CORO2B: variants seen among roughly 807,000 people sequenced by gnomAD.
CORO2B encodes coronin-2B.
Under a neutral mutation model 58.8 loss-of-function variants are expected in CORO2B, and 26 were observed. That is an observed-to-expected ratio of 0.44 (90% confidence interval 0.32 to 0.61). The LOEUF is 0.61. CORO2B is among the 20% of genes least tolerant of loss of function. The pLI is 0.04. For synonymous variants in CORO2B, 242 were observed against 253.8 expected (o/e 0.95, Z 0.44); for missense variants, 460 against 645.1 (o/e 0.71, Z 3.11).
At chr15:68,577,202 C>A (rs1346520063), upstream of CORO2B, among the ~76,000 whole-genome samples, 2 of 152,150 alleles carry the variant, frequency 1.3e-5, no homozygotes, top group East Asian at 1.9e-4. Context: ...CCTAAGACAC[C>A]TGTGAAACTC....
chr15:68,631,174 G>A (rs1900816487), intron 1 of CORO2B, among the ~76,000 whole-genome samples: 1 of 152,166 alleles, frequency 6.6e-6, no homozygotes, highest in Non-Finnish European at 1.5e-5. Flanking sequence ...CTGGATGGCC[G>A]GGTTCTGCAG....
Position 68,720,326 on chromosome 15 carries a change from A to G in CORO2B, c.1311+774A>G, listed in dbSNP as rs186910695. On this transcript the variant is annotated intron_variant, in intron 11 of 11. Transcript: ENST00000261861. Reference sequence around the variant, plus strand: ...TTAAAGAGATAATTCATAAGTGTCTAGCACTCTTCCTGGCTCATATTAAGT... The same window carrying G: ...TTAAAGAGATAATTCATAAGTGTCTGGCACTCTTCCTGGCTCATATTAAGT... Among the ~76,000 whole-genome samples, 113 of 152,352 alleles carry G rather than the reference A, an allele frequency of 7.4e-4. 1 individual carries two copies. The East Asian group carries it at 0.019, about 26-fold the overall frequency.
At chr15:68,650,350 T>C (rs1271636578) in intron 2 of CORO2B, among the ~76,000 whole-genome samples, 2 of 103,394 alleles carry the variant, frequency 1.9e-5, no homozygotes, top group Non-Finnish European at 3.7e-5. Context: ...AGAGCGAAAC[T>C]CTGTCTAAAA....
At chr15:68,689,126 A>T (rs1224602694) in intron 2 of CORO2B, among the ~76,000 whole-genome samples, 2 of 151,584 alleles carry the variant, frequency 1.3e-5, no homozygotes, top group African/African-American at 2.4e-5. Flanking sequence ...CAGCACCAAG[A>T]AGGGCTGGAC....
chr15:68,652,048 T>C (rs1336787334), intron 2 of CORO2B, among the ~76,000 whole-genome samples: 1 of 152,088 alleles, frequency 6.6e-6, no homozygotes, highest in Non-Finnish European at 1.5e-5. Context: ...ACCTCACACT[T>C]GGGGAAGCTG....
chr15:68,637,427 T>C (rs970174881), intron 1 of CORO2B, among the ~76,000 whole-genome samples: 4 of 152,210 alleles, frequency 2.6e-5, no homozygotes, highest in African/African-American at 9.7e-5. Flanking sequence ...CGACCCAGAA[T>C]GCTTTGGATG....
intron 2 of CORO2B, among the ~76,000 whole-genome samples, chr15:68,680,866 T>G (rs530310012): frequency 5.6e-4 from 86 of 152,218 alleles, no homozygotes; most frequent in African/African-American, 2.0e-3. Context: ...AAGCCCTCAG[T>G]AAATGACAGC....
Position 68,579,064 on chromosome 15 carries a change from G to A in CORO2B, c.-199G>A. On this transcript the variant is annotated 5_prime_UTR_variant, in exon 1 of 12. Coordinates refer to ENST00000261861, the MANE Select transcript of CORO2B (RefSeq NM_006091.5). ...ATGCACATTCGGGGCTGACATCAGC[G>A]ACGAGCGGCGGGCGAGCGCCGACGA... The A allele has an allele frequency of 6.1e-6, 6 of 983,980 alleles. No homozygotes were observed. Among genetic ancestry groups the A allele is most frequent in the Non-Finnish European group, 6.0e-6 (5 of 829,462 alleles). 61.0% of individuals were successfully genotyped at this position (983,980 alleles called of 1,614,324 possible).
intron 1 of CORO2B, among the ~76,000 whole-genome samples, chr15:68,625,210 CCA>C (rs1900642981): frequency 6.6e-6 from 1 of 152,058 alleles, no homozygotes; most frequent in African/African-American, 2.4e-5. Flanking sequence ...TGAAGCTTTT[CCA>C]CAGTTTATTT....
At chr15:68,606,069 T>A (rs888576959) in intron 1 of CORO2B, among the ~76,000 whole-genome samples, 2 of 151,900 alleles carry the variant, frequency 1.3e-5, no homozygotes, top group African/African-American at 2.4e-5. Context: ...TGAAGCCTCG[T>A]TTACTGAAAG....
intron 1 of CORO2B, among the ~76,000 whole-genome samples, chr15:68,629,364 C>T (rs1036665833): frequency 9.2e-5 from 14 of 152,302 alleles, no homozygotes; most frequent in Admixed American, 3.9e-4. Context: ...ACTCACTGAG[C>T]CTGGAGCTGA....
chr15:68,716,771 G>C (rs1893041003), intron 8 of CORO2B, among the ~76,000 whole-genome samples: 1 of 152,216 alleles, frequency 6.6e-6, no homozygotes, highest in South Asian at 2.1e-4. Flanking sequence ...GAATGAGCCT[G>C]GCATGTTCTA....
In CORO2B at chr15:68,695,253, G is replaced by A. The variant is rs370369523; in HGVS notation, c.330G>A (p.Thr110=). The stretch of plus-strand genomic sequence containing the variant: ...TCATTGCCTCGTGCTCGGAGGACAC[G>A]TCGGTGAGCAGAGGGGTGCTCCCGG... ...DNIIASCSED[T]SVRIWEIPEG... is the part of the protein sequence containing the mutation. Residue 110 remains threonine, a synonymous_variant, in exon 3 of 12, where the codon ACG becomes ACA. Transcript: ENST00000261861. 8.1e-6 allele frequency: 13 copies of A among 1,612,628 alleles called. No homozygotes were observed. The highest frequency in any genetic ancestry group is 6.7e-5 in the East Asian group (3 of 44,882).
the CORO2B span, among the ~76,000 whole-genome samples, chr15:68,531,253 G>T: frequency 6.6e-6 from 1 of 152,086 alleles, no homozygotes; most frequent in Non-Finnish European, 1.5e-5. Flanking sequence ...GGCCGAGGTG[G>T]GTGGATCACC....
At chr15:68,594,307 A>G (rs1017394248) in intron 1 of CORO2B, among the ~76,000 whole-genome samples, 3 of 152,202 alleles carry the variant, frequency 2.0e-5, no homozygotes, top group Non-Finnish European at 4.4e-5. Flanking sequence ...AGCATCCCCA[A>G]GAATAGCAGA....
chr15:68,546,999 T>C, the CORO2B span, among the ~76,000 whole-genome samples: 1 of 152,200 alleles, frequency 6.6e-6, no homozygotes, highest in African/African-American at 2.4e-5. Flanking sequence ...TCAAAGCAGT[T>C]TCTAAATTTA....
the CORO2B span, among the ~76,000 whole-genome samples, chr15:68,526,196 T>C: frequency 6.6e-6 from 1 of 152,216 alleles, no homozygotes. Context: ...TTGGTTGGTT[T>C]TCGTTTTTGG....
chr15:68,714,646 C>T lies in CORO2B; in HGVS notation c.853C>T (p.Leu285Phe), dbSNP rs1171259775. 2.5e-6 allele frequency: 4 copies of T among 1,613,828 alleles called. No homozygotes were observed. Among genetic ancestry groups the T allele is most frequent in the African/African-American group, 1.3e-5 (1 of 74,908 alleles). The stretch of plus-strand genomic sequence containing the variant: ...CTTCTATGATGCTGACACCCACATG[C>T]TCTACCTGGCTGGAAAGGTAGTAGG... ...FPFYDADTHM[L>F]YLAGKGDGNI... The change falls in exon 7 of 12, where the codon CTC becomes TTC. Residue 285 changes from leucine to phenylalanine, a missense_variant. Transcript: ENST00000261861.
intron 2 of CORO2B, among the ~76,000 whole-genome samples, chr15:68,680,719 T>G: frequency 6.6e-6 from 1 of 152,250 alleles, no homozygotes. Flanking sequence ...GGTTGCATCC[T>G]GGCTTTGCCG....
Sources: gnomAD v4.1 joint callset for allele counts (sites outside exome capture counted in the v4.1 genomes callset) on GRCh38, gnomAD v4.1.1 for gene constraint, MANE v1.5 for transcripts, NCBI Gene and HGNC (gene_info 2026-07-23, HGNC 2026-07-21) for gene names.